The following RAB11FIP1 variants were observed in gnomAD, a reference collection of about 807,000 sequenced individuals.
RAB11FIP1 encodes the protein rab11 family-interacting protein 1.
In RAB11FIP1, 49 loss-of-function variants were observed where a neutral mutation model predicts 83.1. That is an observed-to-expected ratio of 0.59 (90% CI 0.47 to 0.75). The LOEUF is 0.75. Among genes scored for constraint, RAB11FIP1 ranks in the 30% least tolerant of loss-of-function variants. The pLI, the probability that RAB11FIP1 is intolerant of heterozygous loss-of-function variation, is 0.00. For synonymous variants in RAB11FIP1, 670 were observed against 656.0 expected (o/e 1.02, Z -0.33); for missense variants, 1,536 against 1,598.7 (o/e 0.96, Z 0.67).
chr8:37,862,977 T>C lies in RAB11FIP1; in HGVS notation c.3770A>G (p.Asn1257Ser). 3.7e-6 allele frequency: 6 copies of C among 1,613,958 alleles called. No individual in the cohort carries two copies. The highest frequency in any genetic ancestry group is 5.1e-6 in the Non-Finnish European group (6 of 1,180,022). The change falls in exon 6 of 6, where the codon AAC becomes AGC. Residue 1257 changes from asparagine to serine, a missense_variant. By Grantham distance (46) the Asn-to-Ser change is conservative. Coordinates refer to ENST00000330843, the MANE Select transcript of RAB11FIP1 (RefSeq NM_001002814.3). ...TTCTTCCATGACCCTGACAAGCAGG[T>C]TGTCAATGTAGTCTTCCAGCTCGCG... The part of the protein sequence containing the change: ...QVRELEDYID[N>S]LLVRVMEETP...
At chr8:37,877,839 C>G (rs1806649912) in intron 1 of RAB11FIP1, 1 of 272,986 alleles carries the variant, frequency 3.7e-6, no homozygotes. Flanking sequence ...CCTGCCTCAG[C>G]CTCCTGAGTA....
intron 5 of RAB11FIP1, among the ~76,000 whole-genome samples, chr8:37,864,693 G>A (rs927975818): frequency 5.3e-5 from 8 of 152,154 alleles, no homozygotes; most frequent in African/African-American, 9.7e-5. Flanking sequence ...TAGACAGAGC[G>A]GGTTCAACCC....
At chr8:37,868,266 A>T (rs1806381918) in intron 5 of RAB11FIP1, among the ~76,000 whole-genome samples, 2 of 152,118 alleles carry the variant, frequency 1.3e-5, no homozygotes, top group Non-Finnish European at 2.9e-5. Context: ...TACTAAAAAT[A>T]TAAAAATTAG....
intron 1 of RAB11FIP1, among the ~76,000 whole-genome samples, chr8:37,897,929 C>T (rs1382150516): frequency 6.6e-6 from 1 of 152,230 alleles, no homozygotes; most frequent in African/African-American, 2.4e-5. Context: ...CCACCCACCC[C>T]GCATTGTAAA....
intron 1 of RAB11FIP1, among the ~76,000 whole-genome samples, chr8:37,894,124 T>C (rs1489477290): frequency 6.6e-6 from 1 of 152,172 alleles, no homozygotes; most frequent in African/African-American, 2.4e-5. Flanking sequence ...CTCAATATTA[T>C]CTTTAAGGGA....
intron 1 of RAB11FIP1, among the ~76,000 whole-genome samples, chr8:37,894,396 T>C (rs1413210098): frequency 6.6e-6 from 1 of 152,160 alleles, no homozygotes; most frequent in African/African-American, 2.4e-5. Flanking sequence ...CAGCATCTTA[T>C]TAAACTTGCA....
rs370845112 is a variant in RAB11FIP1, at chr8:37,888,232, G to C, written c.372-10681C>G. On this transcript the variant is annotated intron_variant, in intron 1 of 5. Coordinates refer to ENST00000330843, the MANE Select transcript of RAB11FIP1 (RefSeq NM_001002814.3). ...AGTGATTCTCCTGCCTCAGCCTCCT[G>C]AGTAGCTGGGATTACAGGCGCCCAC... is the stretch of plus-strand genomic sequence containing the variant. Among the ~76,000 whole-genome samples, 630 of 151,450 alleles carry C rather than the reference G, an allele frequency of 4.2e-3. 5 individuals are homozygous for C. The highest frequency in any genetic ancestry group is 0.015 in the African/African-American group (614 of 41,240).
At position 37,873,347 on chromosome 8, in the gene RAB11FIP1, G is replaced by A. The variant is rs1806526253; in HGVS notation, c.1623-168C>T. 12 of 683,304 alleles carry A rather than the reference G, an allele frequency of 1.8e-5. No homozygotes were observed. The East Asian group carries it at 3.5e-4, about 20-fold the overall frequency. The allele number at this position is 683,304 out of a possible 1,614,324, so 42.3% of individuals were successfully genotyped here. Reference sequence around the variant, plus strand: ...TAGCCGGGCGCGGTGGCTCACGCCTGTAATCCCAGCACTGTGGGAGGCCGA... The same window carrying A: ...TAGCCGGGCGCGGTGGCTCACGCCTATAATCCCAGCACTGTGGGAGGCCGA... On this transcript the variant is annotated intron_variant, in intron 3 of 5. Coordinates refer to ENST00000330843, the MANE Select transcript of RAB11FIP1 (RefSeq NM_001002814.3).
At chr8:37,893,973 T>A (rs1807008820) in intron 1 of RAB11FIP1, among the ~76,000 whole-genome samples, 1 of 152,180 alleles carries the variant, frequency 6.6e-6, no homozygotes, top group Admixed American at 6.5e-5. Context: ...GTCATTTCAT[T>A]CCTCTGTTAT....
rs1806172520 is a variant in RAB11FIP1 at position 37,858,624 on chromosome 8, A to G, written c.*4271T>C. On this transcript the variant is annotated 3_prime_UTR_variant, in exon 6 of 6. Transcript: ENST00000330843. ...TGTGGTGGGGGTGGGAACTGAGGAA[A>G]GACCCTGTCCAAATGCTCAGCCAAG... 1 of 152,280 alleles carries G rather than the reference A, an allele frequency of 6.6e-6. No homozygotes were observed. Among genetic ancestry groups the G allele is most frequent in the Non-Finnish European group, 1.5e-5 (1 of 68,070 alleles). The allele number at this position is 152,280 out of a possible 1,614,324, so 9.4% of individuals were successfully genotyped here.
intron 1 of RAB11FIP1, among the ~76,000 whole-genome samples, chr8:37,891,688 T>C (rs1353823709): frequency 6.6e-6 from 1 of 152,252 alleles, no homozygotes; most frequent in African/African-American, 2.4e-5. Flanking sequence ...CTCTTTTCTA[T>C]GCTTACAGTT....
Position 37,899,340 on chromosome 8 carries a change from G to A in RAB11FIP1, c.102C>T (p.Gly34=), listed in dbSNP as rs570118955. 6.5e-5 allele frequency: 105 copies of A among 1,608,272 alleles called. No homozygotes were observed. In the East Asian group the frequency reaches 2.0e-3, roughly 30 times the overall value. ...VLQARGLRAK[G]PGGTSDAYAV... is the part of the protein sequence containing the mutation. The stretch of plus-strand genomic sequence containing the variant: ...CGTACGCGTCGCTCGTGCCCCCGGG[G>A]CCCTTGGCCCGCAGGCCCCGCGCCT... Residue 34 remains glycine, a synonymous_variant, in exon 1 of 6, where the codon GGC becomes GGT. Transcript: ENST00000330843. The surrounding 1 kb of genome is among the most constrained non-coding windows in gnomAD (Gnocchi z 4.5).
rs113816749 is a variant in RAB11FIP1 at position 37,889,796 on chromosome 8, C to CT, written c.371+9274dup. 5.6e-3 allele frequency among the ~76,000 whole-genome samples: 827 copies of CT among 148,012 alleles called. 6 individuals are homozygous for CT. Among genetic ancestry groups the CT allele is most frequent in the African/African-American group, 0.018 (730 of 40,616 alleles). On this transcript the variant is annotated intron_variant, in intron 1 of 5. Transcript: ENST00000330843. ...GAAAATAATTACACCAAAAGCATTT[C>CT]TTTTTTTTTTTCTTTGAGACAGAGT... is the stretch of plus-strand genomic sequence containing the variant.
Position 37,872,827 on chromosome 8 carries a change from G to A in RAB11FIP1, c.1975C>T (p.Pro659Ser), listed in dbSNP as rs375655752. Residue 659 changes from proline to serine, a missense_variant, in exon 4 of 6, where the codon CCA becomes TCA. Coordinates refer to ENST00000330843, the MANE Select transcript of RAB11FIP1 (RefSeq NM_001002814.3). Reference sequence around the variant, plus strand: ...GTCCCTTTATTTGCTGGAAAGGATGGCTGTTTGAAAAGTGATCCCAGGGCA... The same window carrying A: ...GTCCCTTTATTTGCTGGAAAGGATGACTGTTTGAAAAGTGATCCCAGGGCA... The part of the protein sequence containing the change: ...SSALGSLFKQ[P>S]SFPANKGTED... 3 of 1,614,078 alleles carry A rather than the reference G, an allele frequency of 1.9e-6. No homozygotes were observed. The highest frequency in any genetic ancestry group is 1.6e-4 in the Middle Eastern group (1 of 6,082).
At chr8:37,884,153 C>T (rs956171897) in intron 1 of RAB11FIP1, among the ~76,000 whole-genome samples, 11 of 151,454 alleles carry the variant, frequency 7.3e-5, no homozygotes, top group African/African-American at 2.2e-4. Context: ...CAACCACCGT[C>T]GCCCAGGTTC....
At chr8:37,870,621 A>G (rs1389904870) in intron 4 of RAB11FIP1, 93 bp from the exon 5 acceptor site, 1 of 662,964 alleles carries the variant, frequency 1.5e-6, no homozygotes, top group East Asian at 2.8e-5. Context: ...TAAGCCAGAC[A>G]AGGGGCAGGT....
chr8:37,858,874 C>G lies in RAB11FIP1; in HGVS notation c.*4021G>C, dbSNP rs1806178064. 6.6e-6 allele frequency: 1 copy of G among 152,058 alleles called. No homozygotes were observed. The highest frequency in any genetic ancestry group is 2.1e-4 in the South Asian group (1 of 4,814). The allele number at this position is 152,058 out of a possible 1,614,324, so 9.4% of individuals were successfully genotyped here. On this transcript the variant is annotated 3_prime_UTR_variant, in exon 6 of 6. Transcript: ENST00000330843. ...ATGAGAAACACTGGTCATCCCCCCA[C>G]CCCCACCAAGAGAGGTTTTCCAGGA... is the stretch of plus-strand genomic sequence containing the variant.
chr8:37,886,747 A>C (rs1179713756), intron 1 of RAB11FIP1, among the ~76,000 whole-genome samples: 1 of 152,238 alleles, frequency 6.6e-6, no homozygotes, highest in Non-Finnish European at 1.5e-5. Context: ...AACCTTTCTT[A>C]GATGAAGAAA....
intron 3 of RAB11FIP1, chr8:37,873,425 T>C (rs1193543242): frequency 7.4e-6 from 3 of 407,196 alleles, no homozygotes. Flanking sequence ...GCCAACATGG[T>C]GAAACCTCAT....
Sources: allele counts gnomAD v4.1 joint callset (sites outside exome capture counted in the v4.1 genomes callset), GRCh38; gene constraint gnomAD v4.1.1; non-coding constraint Gnocchi (gnomAD v3.1); transcripts MANE v1.5; gene names NCBI Gene and HGNC (gene_info 2026-07-23, HGNC 2026-07-21).